RADIL: variants seen among roughly 807,000 people sequenced by gnomAD.
The protein encoded by RADIL is Rap associating with DIL domain, also known as ras-associating and dilute domain-containing protein.
RADIL carries 99 observed loss-of-function variants against 97.6 expected under a neutral mutation model. The observed-to-expected ratio is 1.01, with a 90% CI of 0.86 to 1.20. RADIL has a LOEUF of 1.20. RADIL is among the 50% of genes most tolerant of loss of function. RADIL has a pLI of 0.00. For missense variants in RADIL, 1,765 were observed against 1,498.9 expected (o/e 1.18, Z -2.93); for synonymous variants, 803 against 691.8 (o/e 1.16, Z -2.52).
chr7:4,854,241 G>A lies in RADIL; in HGVS notation c.536-17636C>T, dbSNP rs1365944552. 3.3e-5 allele frequency among the ~76,000 whole-genome samples: 5 copies of A among 152,152 alleles called. No individual in the cohort carries two copies. The highest frequency in any genetic ancestry group is 9.7e-5 in the African/African-American group (4 of 41,430). On this transcript the variant is annotated intron_variant, in intron 2 of 14. Coordinates refer to ENST00000399583, the MANE Select transcript of RADIL (RefSeq NM_018059.5). The surrounding 1 kb of genome is among the most constrained non-coding windows in gnomAD (Gnocchi z 5.1). ...CAGGAAAGCCACCGTTACCAGCCCCGAACTTACTGTTAGGTGAAAGAAAGC... is the reference window on the plus strand; with the variant it reads ...CAGGAAAGCCACCGTTACCAGCCCCAAACTTACTGTTAGGTGAAAGAAAGC...
chr7:4,803,919 AC>A, intron 10 of RADIL, 165 bp from the exon 11 acceptor site: 1 of 716,608 alleles, frequency 1.4e-6, no homozygotes, highest in Non-Finnish European at 2.5e-6. Context: ...GACTGGCCCC[AC>A]CCTAGGACTC....
chr7:4,825,604 C>T (rs1782952385), intron 5 of RADIL, among the ~76,000 whole-genome samples: 1 of 152,076 alleles, frequency 6.6e-6, no homozygotes, highest in Non-Finnish European at 1.5e-5. Context: ...AAGCCGGGTG[C>T]GGTGGCTCAC....
chr7:4,840,584 C>T lies in RADIL; in HGVS notation c.536-3979G>A, dbSNP rs1161550117. Reference sequence around the variant, plus strand: ...GGTCTTATATAGGTGTGCTCTTTGCCAAGAACAGGGTCACCCCAGGGGCCC... The same window carrying T: ...GGTCTTATATAGGTGTGCTCTTTGCTAAGAACAGGGTCACCCCAGGGGCCC... On this transcript the variant is annotated intron_variant, in intron 2 of 14. Transcript: ENST00000399583. This position sits in a 1 kb window ranked among gnomAD's most constrained non-coding sequence, Gnocchi z 5.6. 6.6e-6 allele frequency among the ~76,000 whole-genome samples: 1 copy of T among 152,174 alleles called. No individual in the cohort carries two copies. Among genetic ancestry groups the T allele is most frequent in the African/African-American group, 2.4e-5 (1 of 41,444 alleles).
In RADIL at chr7:4,879,491, G is replaced by A. The variant is rs907318444; in HGVS notation, c.-64-1288C>T. On this transcript the variant is annotated intron_variant, in intron 1 of 14. Coordinates refer to ENST00000399583, the MANE Select transcript of RADIL (RefSeq NM_018059.5). The surrounding 1 kb of genome is among the most constrained non-coding windows in gnomAD (Gnocchi z 4.1). ...CTCACCAAAGACAAAGGTGGCAGAC[G>A]AGTGAGCCAGGAGGAAAGCCTATTT... Among the ~76,000 whole-genome samples, 8 of 152,298 alleles carry A rather than the reference G, an allele frequency of 5.3e-5. 1 individual carries two copies. The highest frequency in any genetic ancestry group is 9.6e-5 in the African/African-American group (4 of 41,562).
At chr7:4,856,976 G>A (rs1357389729) in intron 2 of RADIL, among the ~76,000 whole-genome samples, 1 of 152,172 alleles carries the variant, frequency 6.6e-6, no homozygotes, top group Non-Finnish European at 1.5e-5. Flanking sequence ...TTACTATCTG[G>A]TCCTTAATGC....
chr7:4,849,831 CTT>C lies in RADIL; in HGVS notation c.536-13228_536-13227del, dbSNP rs1783664936. Among the ~76,000 whole-genome samples, 1 of 152,126 alleles carries C rather than the reference CTT, an allele frequency of 6.6e-6. No individual in the cohort carries two copies. Among genetic ancestry groups the C allele is most frequent in the Admixed American group, 6.5e-5 (1 of 15,278 alleles). The stretch of plus-strand genomic sequence containing the variant: ...GATCACAATCTGTGTTGAAATAAAT[CTT>C]TAGCTACAATACAGCTTAAGTACAA... On this transcript the variant is annotated intron_variant, in intron 2 of 14. Transcript: ENST00000399583. This position sits in a 1 kb window ranked among gnomAD's most constrained non-coding sequence, Gnocchi z 5.4.
rs941871688 is a variant in RADIL, at chr7:4,824,248, C to T, written c.1455-1694G>A. 2.0e-5 allele frequency among the ~76,000 whole-genome samples: 3 copies of T among 152,246 alleles called. No individual in the cohort carries two copies. The highest frequency in any genetic ancestry group is 4.4e-5 in the Non-Finnish European group (3 of 68,032). ...AGCCAGGCAGCTGCCACTCTGCTGG[C>T]CGCAGGGCATGGTGCCAGCCCAGTG... On this transcript the variant is annotated intron_variant, in intron 5 of 14. Coordinates refer to ENST00000399583, the MANE Select transcript of RADIL (RefSeq NM_018059.5). The surrounding 1 kb of genome is among the most constrained non-coding windows in gnomAD (Gnocchi z 6.7).
intron 2 of RADIL, among the ~76,000 whole-genome samples, chr7:4,846,453 T>A (rs544392022): frequency 1.3e-5 from 2 of 148,614 alleles, no homozygotes; most frequent in Non-Finnish European, 3.0e-5. Context: ...CCCTATTGCT[T>A]TTTTAAGTAT....
intron 2 of RADIL, among the ~76,000 whole-genome samples, chr7:4,863,413 C>T (rs1435345041): frequency 6.6e-6 from 1 of 152,124 alleles, no homozygotes; most frequent in Non-Finnish European, 1.5e-5. Flanking sequence ...GTGGTATTAC[C>T]TCTTGGGTCT....
At chr7:4,864,668 C>G (rs1196284041) in intron 2 of RADIL, among the ~76,000 whole-genome samples, 3 of 152,178 alleles carry the variant, frequency 2.0e-5, no homozygotes, top group Admixed American at 1.3e-4. Flanking sequence ...ATTCTGGACA[C>G]CTCCCTGTTT....
intron 13 of RADIL, 24 bp downstream of exon 13, chr7:4,800,147 C>A: frequency 1.3e-6 from 2 of 1,570,418 alleles, no homozygotes; most frequent in Non-Finnish European, 1.7e-6. Context: ...TATGGGGGTG[C>A]GGCGAGGGTC....
In RADIL at chr7:4,837,103, A is replaced by T. The variant is rs1208845546; in HGVS notation, c.536-498T>A. On this transcript the variant is annotated intron_variant, in intron 2 of 14. Coordinates refer to ENST00000399583, the MANE Select transcript of RADIL (RefSeq NM_018059.5). This position sits in a 1 kb window ranked among gnomAD's most constrained non-coding sequence, Gnocchi z 5.6. ...AGCCACGCCCCTCGAAAAACCAGAC[A>T]GTGCCTTGGCACCACCGTGGCACCC... Among the ~76,000 whole-genome samples the T allele has an allele frequency of 6.6e-6, 1 of 152,210 alleles. No homozygotes were observed. The highest frequency in any genetic ancestry group is 1.5e-5 in the Non-Finnish European group (1 of 68,034).
At chr7:4,862,415 A>C (rs1784037100) in intron 2 of RADIL, among the ~76,000 whole-genome samples, 1 of 152,140 alleles carries the variant, frequency 6.6e-6, no homozygotes, top group Non-Finnish European at 1.5e-5. Context: ...CTGGGGCAGC[A>C]TTTCGAGGTC....
At position 4,844,992 on chromosome 7, in the gene RADIL, G is replaced by T. The variant is rs1418205259; in HGVS notation, c.536-8387C>A. 7.9e-5 allele frequency among the ~76,000 whole-genome samples: 12 copies of T among 151,748 alleles called. 1 individual carries two copies. In the South Asian group the frequency reaches 2.1e-3, roughly 26 times the overall value. ...GTGGCCCCTGAGTGCTAGGACTGAG[G>T]AAAGGGACCGAATTAAGAAACGAGG... On this transcript the variant is annotated intron_variant, in intron 2 of 14. Coordinates refer to ENST00000399583, the MANE Select transcript of RADIL (RefSeq NM_018059.5).
intron 2 of RADIL, among the ~76,000 whole-genome samples, chr7:4,863,198 CCA>C (rs1784060351): frequency 6.6e-6 from 1 of 152,212 alleles, no homozygotes; most frequent in African/African-American, 2.4e-5. Flanking sequence ...ATTGAAATAT[CCA>C]CTTAAATACT....
Position 4,818,436 on chromosome 7 carries a change from G to A in RADIL, c.1616-1085C>T, listed in dbSNP as rs1321345770. On this transcript the variant is annotated intron_variant, in intron 6 of 14. Coordinates refer to ENST00000399583, the MANE Select transcript of RADIL (RefSeq NM_018059.5). This position sits in a 1 kb window ranked among gnomAD's most constrained non-coding sequence, Gnocchi z 7.1. ...TCCTTCAGGGGCTTGGGGCTGCCTG[G>A]CCCCCACCCACCAAGCCCGCTCCCC... Among the ~76,000 whole-genome samples the A allele has an allele frequency of 3.9e-5, 6 of 152,170 alleles. No homozygotes were observed. Among genetic ancestry groups the A allele is most frequent in the African/African-American group, 1.4e-4 (6 of 41,440 alleles).
chr7:4,834,743 G>A lies in RADIL; in HGVS notation c.1280C>T (p.Pro427Leu), dbSNP rs776580866. 5.7e-6 allele frequency: 8 copies of A among 1,410,546 alleles called. No homozygotes were observed. Among genetic ancestry groups the A allele is most frequent in the Non-Finnish European group, 6.5e-6 (7 of 1,075,286 alleles). The allele number at this position is 1,410,546 out of a possible 1,614,324, so 87.4% of individuals were successfully genotyped here. A position where few individuals can be genotyped will look rare whatever the true frequency, so the allele number is the denominator to read the frequency against. ...GGTCAGCTTGTGGTCGTCGCCCCCC[G>A]GCTCGATCAACGTCATGATCCTCTG... Reference protein sequence around the residue: ...LLQRIMTLIEPGGDDHKLTPA... With the variant: ...LLQRIMTLIELGGDDHKLTPA... Residue 427 changes from proline to leucine, a missense_variant, in exon 4 of 15, where the codon CCG (proline) becomes CTG (leucine). Coordinates refer to ENST00000399583, the MANE Select transcript of RADIL (RefSeq NM_018059.5). The surrounding 1 kb of genome is among the most constrained non-coding windows in gnomAD (Gnocchi z 6.0).
In RADIL at chr7:4,875,503, G is replaced by A. The variant is rs74825321; in HGVS notation, c.535+2102C>T. ...GTCGCCTATCACCTGTGAAGACGGC[G>A]GGCCTTCCCAGGGCTCCTCCTCGCC... On this transcript the variant is annotated intron_variant, in intron 2 of 14. Coordinates refer to ENST00000399583, the MANE Select transcript of RADIL (RefSeq NM_018059.5). Among the ~76,000 whole-genome samples the A allele has an allele frequency of 3.5e-3, 527 of 152,192 alleles. 2 individuals carry two copies. The highest frequency in any genetic ancestry group is 0.012 in the African/African-American group (481 of 41,504).
chr7:4,807,965 C>CCTCTCCCTGCTCCCT (rs1782388573), intron 9 of RADIL, among the ~76,000 whole-genome samples: 1 of 72,646 alleles, frequency 1.4e-5, no homozygotes, highest in African/African-American at 9.4e-5. Context: ...CTGTCTCTCT[C>CCTCTCCCTGCTCCCT]CTCTCCCTCC....
Sources: gnomAD v4.1 joint callset for allele counts (sites outside exome capture counted in the v4.1 genomes callset) on GRCh38, gnomAD v4.1.1 for gene constraint, Gnocchi (gnomAD v3.1) non-coding constraint, MANE v1.5 for transcripts, NCBI Gene and HGNC (gene_info 2026-07-23, HGNC 2026-07-21) for gene names.